Variants in PDE11A observed in about 807,000 individuals in gnomAD.
PDE11A encodes dual 3',5'-cyclic-AMP and -GMP phosphodiesterase 11A.
In PDE11A, 100 loss-of-function variants were observed where a neutral mutation model predicts 100.5. The observed-to-expected ratio is 1.00, with a 90% CI of 0.85 to 1.18. The LOEUF (loss-of-function observed/expected upper bound fraction) is 1.18. Ranked by LOEUF, PDE11A falls within the 50% of genes most tolerant of loss-of-function variation. The probability of loss-of-function intolerance (pLI) is 0.00; values close to 1 mark genes in which losing one functional copy is unlikely to be tolerated. For missense variants in PDE11A, 1,141 were observed against 1,152.6 expected, an observed-to-expected ratio of 0.99 and a Z score of 0.15; for synonymous variants, 381 against 420.8, an observed-to-expected ratio of 0.91 and a Z score of 1.16.
intron 5 of PDE11A, among the ~76,000 whole-genome samples, chr2:177,874,818 C>G (rs2084204162): frequency 6.6e-6 from 1 of 152,148 alleles, no homozygotes; most frequent in African/African-American, 2.4e-5. Context: ...GAAACTGAAA[C>G]TGTTGGCTTA....
chr2:178,058,127 A>C (rs2086922039), intron 1 of PDE11A, among the ~76,000 whole-genome samples: 1 of 152,166 alleles, frequency 6.6e-6, no homozygotes, highest in African/African-American at 2.4e-5. Context: ...AAGCGCTGGG[A>C]TTACAGGCGT....
chr2:178,004,003 G>A (rs961389908), intron 2 of PDE11A, among the ~76,000 whole-genome samples: 3 of 151,926 alleles, frequency 2.0e-5, no homozygotes, highest in South Asian at 4.2e-4. Context: ...AGTACATGGT[G>A]GAAAATAATG....
At chr2:178,076,759 G>T (rs1331965349), upstream of PDE11A, among the ~76,000 whole-genome samples, 1 of 152,202 alleles carries the variant, frequency 6.6e-6, no homozygotes, top group African/African-American at 2.4e-5. Flanking sequence ...CAATTCTGTA[G>T]GTTAACTAGT....
intron 2 of PDE11A, among the ~76,000 whole-genome samples, chr2:177,919,487 A>G (rs1482250852): frequency 6.6e-6 from 1 of 152,216 alleles, no homozygotes; most frequent in East Asian, 1.9e-4. Context: ...ATTTATATTT[A>G]GAATAAACTG....
intron 1 of PDE11A, among the ~76,000 whole-genome samples, chr2:178,028,357 G>T (rs1455175282): frequency 1.3e-5 from 2 of 151,744 alleles, no homozygotes; most frequent in African/African-American, 4.8e-5. Context: ...ATGAGAGTAG[G>T]CGTGACATAC....
intron 12 of PDE11A, among the ~76,000 whole-genome samples, chr2:177,726,499 A>C (rs1257706589): frequency 6.6e-6 from 1 of 152,092 alleles, no homozygotes; most frequent in African/African-American, 2.4e-5. Flanking sequence ...TGTAACTTAA[A>C]ATACACAGTA....
intron 10 of PDE11A, among the ~76,000 whole-genome samples, chr2:177,751,558 C>G (rs530170849): frequency 1.3e-5 from 2 of 152,110 alleles, no homozygotes; most frequent in African/African-American, 4.8e-5. Context: ...GGGGAAGAAG[C>G]CTGGGAGGTG....
At chr2:177,745,232 G>T (rs1179884864) in intron 10 of PDE11A, among the ~76,000 whole-genome samples, 3 of 152,168 alleles carry the variant, frequency 2.0e-5, no homozygotes, top group Non-Finnish European at 4.4e-5. Flanking sequence ...AAAAGAAGGA[G>T]AAACTGAGTA....
At chr2:177,729,102 A>T (rs1318762145) in intron 10 of PDE11A, among the ~76,000 whole-genome samples, 2 of 152,192 alleles carry the variant, frequency 1.3e-5, no homozygotes, top group South Asian at 2.1e-4. Flanking sequence ...GGAGCTACTT[A>T]CTTTGGCTAA....
At chr2:177,995,646 A>ACACCCC (rs2086062509) in intron 2 of PDE11A, among the ~76,000 whole-genome samples, 1 of 147,704 alleles carries the variant, frequency 6.8e-6, no homozygotes, top group African/African-American at 2.5e-5. Context: ...CACAAACACC[A>ACACCCC]CCCACCCCGC....
intron 5 of PDE11A, among the ~76,000 whole-genome samples, chr2:177,850,727 A>T (rs998258402): frequency 2.5e-4 from 38 of 152,248 alleles, no homozygotes; most frequent in Admixed American, 2.6e-4. Context: ...TGGGCGAAGG[A>T]TATGAACAGA....
At chr2:177,699,797 T>C (rs1439025318) in intron 14 of PDE11A, among the ~76,000 whole-genome samples, 1 of 152,232 alleles carries the variant, frequency 6.6e-6, no homozygotes, top group Non-Finnish European at 1.5e-5. Context: ...GGACAGTGCA[T>C]GGTTCCGTCA....
intron 6 of PDE11A, among the ~76,000 whole-genome samples, chr2:177,829,629 T>A (rs2083279831): frequency 7.2e-6 from 1 of 138,978 alleles, no homozygotes; most frequent in African/African-American, 2.7e-5. Flanking sequence ...TTTTTTTGTA[T>A]TTTTAGTAGA....
chr2:177,922,757 A>T (rs2085071888), intron 2 of PDE11A: 9 of 985,152 alleles, frequency 9.1e-6, no homozygotes, highest in Non-Finnish European at 1.1e-5. Flanking sequence ...CTACACTCAA[A>T]GCCCTTCATA....
chr2:177,790,411 T>C (rs369589662), intron 9 of PDE11A, among the ~76,000 whole-genome samples: 1 of 151,496 alleles, frequency 6.6e-6, no homozygotes, highest in Non-Finnish European at 1.5e-5. Flanking sequence ...AAGACTTAAA[T>C]GTTAGACCTA....
intron 6 of PDE11A, among the ~76,000 whole-genome samples, chr2:177,826,523 G>A (rs2083228599): frequency 6.6e-6 from 1 of 152,188 alleles, no homozygotes; most frequent in Non-Finnish European, 1.5e-5. Context: ...AATAGAGAGA[G>A]AACTGAGTTT....
chr2:177,781,595 T>G (rs955012743), intron 9 of PDE11A, among the ~76,000 whole-genome samples: 9 of 152,176 alleles, frequency 5.9e-5, no homozygotes, highest in Admixed American at 1.3e-4. Context: ...CTCCATCTGC[T>G]GGGTTCAAGA....
chr2:177,868,418 CTGT>C (rs1445022267), intron 5 of PDE11A, among the ~76,000 whole-genome samples: 1 of 152,104 alleles, frequency 6.6e-6, no homozygotes, highest in African/African-American at 2.4e-5. Context: ...GTAAGATGGA[CTGT>C]TGTTGTCAGC....
chr2:177,795,940 T>C (rs1280836433), intron 9 of PDE11A, among the ~76,000 whole-genome samples: 2 of 65,222 alleles, frequency 3.1e-5, no homozygotes, highest in South Asian at 6.3e-4. Flanking sequence ...TTAAACTATA[T>C]ATATATATAT....
Sources: gnomAD v4.1 joint callset for allele counts (sites outside exome capture counted in the v4.1 genomes callset) on GRCh38, gnomAD v4.1.1 for gene constraint, MANE v1.5 for transcripts, NCBI Gene and HGNC (gene_info 2026-07-23, HGNC 2026-07-21) for gene names.